Variants in TNNI3K observed in about 807,000 individuals in gnomAD.
TNNI3K encodes serine/threonine-protein kinase TNNI3K.
TNNI3K carries 140 observed loss-of-function variants against 114.5 expected under a neutral mutation model. The observed-to-expected ratio is 1.22, with a 90% CI of 1.07 to 1.41. TNNI3K has a LOEUF of 1.41. Among genes scored for constraint, TNNI3K ranks in the 40% most tolerant of loss-of-function variants. The probability of loss-of-function intolerance (pLI) is 0.00; values close to 1 mark genes in which losing one functional copy is unlikely to be tolerated. For synonymous variants in TNNI3K, 347 were observed against 347.5 expected, an observed-to-expected ratio of 1.00 and a Z score of 0.02; for missense variants, 1,125 against 1,007.6, an observed-to-expected ratio of 1.12 and a Z score of -1.58.
intron 23 of TNNI3K, among the ~76,000 whole-genome samples, chr1:74,509,139 C>T (rs1367473002): frequency 5.3e-5 from 8 of 152,158 alleles, no homozygotes; most frequent in Non-Finnish European, 1.2e-4. Flanking sequence ...CCTTTTTCCT[C>T]ATTAAATAGC....
At chr1:74,261,280 A>G (rs1182813245) in intron 4 of TNNI3K, among the ~76,000 whole-genome samples, 1 of 152,044 alleles carries the variant, frequency 6.6e-6, no homozygotes, top group African/African-American at 2.4e-5. Flanking sequence ...GCTAAGAAAA[A>G]AAAAAGAGTG....
chr1:74,486,670 A>AATT (rs1668785237), intron 21 of TNNI3K, among the ~76,000 whole-genome samples: 2 of 151,994 alleles, frequency 1.3e-5, no homozygotes, highest in African/African-American at 4.8e-5. Context: ...CATAAGACTG[A>AATT]ATTAACTCCT....
intron 20 of TNNI3K, among the ~76,000 whole-genome samples, chr1:74,441,318 T>C (rs1022915): frequency 0.69 from 104,154 of 152,030 alleles, 39,187 homozygotes; most frequent in Middle Eastern, 0.86. Flanking sequence ...TATACCAATG[T>C]CATATAAATG....
At chr1:74,407,941 A>G (rs1046090141) in intron 17 of TNNI3K, among the ~76,000 whole-genome samples, 6 of 152,148 alleles carry the variant, frequency 3.9e-5, no homozygotes, top group African/African-American at 1.4e-4. Context: ...TTTCCTTTCA[A>G]AGTTCCATAA....
chr1:74,537,611 T>C (rs1384465734), intron 23 of TNNI3K, among the ~76,000 whole-genome samples: 1 of 152,158 alleles, frequency 6.6e-6, no homozygotes, highest in Non-Finnish European at 1.5e-5. Context: ...ATTTGCAGAG[T>C]ACTGGCTAAC....
At chr1:74,253,476 A>G (rs1401532563) in intron 4 of TNNI3K, among the ~76,000 whole-genome samples, 1 of 152,024 alleles carries the variant, frequency 6.6e-6, no homozygotes, top group Non-Finnish European at 1.5e-5. Context: ...GCAGGTCCTG[A>G]GCCCTGCCGC....
At chr1:74,505,134 A>G (rs1669828857) in intron 23 of TNNI3K, among the ~76,000 whole-genome samples, 1 of 152,202 alleles carries the variant, frequency 6.6e-6, no homozygotes, top group Non-Finnish European at 1.5e-5. Flanking sequence ...TAAGCACATC[A>G]AAGCACACAG....
At chr1:74,297,188 C>T (rs1658040239) in intron 5 of TNNI3K, among the ~76,000 whole-genome samples, 2 of 152,072 alleles carry the variant, frequency 1.3e-5, no homozygotes. Flanking sequence ...CAACACCATA[C>T]AGTAGAAGTT....
chr1:74,399,726 C>T (rs1664267869), intron 17 of TNNI3K, among the ~76,000 whole-genome samples: 1 of 152,156 alleles, frequency 6.6e-6, no homozygotes, highest in Non-Finnish European at 1.5e-5. Flanking sequence ...AAGCTATGGG[C>T]AGGCTCTGTT....
At position 74,394,780 on chromosome 1, in the gene TNNI3K, C is replaced by T. The variant is rs149405932; in HGVS notation, c.1772+24388C>T. On this transcript the variant is annotated intron_variant, in intron 17 of 24. Transcript: ENST00000326637. ...AACACTTAGGCCGGGCGCAGTGGCTCACGCCTGTAATCCCAGCACTTTGGG... is the reference window on the plus strand; with the variant it reads ...AACACTTAGGCCGGGCGCAGTGGCTTACGCCTGTAATCCCAGCACTTTGGG... Among the ~76,000 whole-genome samples the T allele has an allele frequency of 3.3e-3, 499 of 152,328 alleles. 2 individuals are homozygous for T. The highest frequency in any genetic ancestry group is 0.011 in the African/African-American group (469 of 41,574).
chr1:74,366,348 T>C (rs11803631), intron 11 of TNNI3K, among the ~76,000 whole-genome samples: 272 of 152,220 alleles, frequency 1.8e-3, no homozygotes, highest in African/African-American at 5.9e-3. Context: ...TTTAATTTTA[T>C]TGAAAAACAT....
intron 21 of TNNI3K, chr1:74,471,741 T>G: frequency 2.5e-6 from 1 of 403,250 alleles, no homozygotes; most frequent in East Asian, 3.6e-5. Flanking sequence ...TCTTGGTTTT[T>G]GTTGATAATC....
At chr1:74,484,600 A>G (rs1668659841) in intron 21 of TNNI3K, among the ~76,000 whole-genome samples, 1 of 152,166 alleles carries the variant, frequency 6.6e-6, no homozygotes, top group South Asian at 2.1e-4. Flanking sequence ...TTTGAACAAT[A>G]AGCTGGAGAA....
intron 17 of TNNI3K, chr1:74,375,163 A>G (rs1188673628): frequency 6.4e-6 from 1 of 156,742 alleles, no homozygotes; most frequent in Non-Finnish European, 1.4e-5. Context: ...TATTACTCTT[A>G]ATTCCTCATT....
At chr1:74,298,755 G>A (rs1182759687) in intron 5 of TNNI3K, among the ~76,000 whole-genome samples, 1 of 151,924 alleles carries the variant, frequency 6.6e-6, no homozygotes, top group East Asian at 1.9e-4. Flanking sequence ...AATATTGTGA[G>A]GATAAGAGAC....
At chr1:74,479,212 T>G (rs1668355620) in intron 21 of TNNI3K, among the ~76,000 whole-genome samples, 1 of 152,142 alleles carries the variant, frequency 6.6e-6, no homozygotes, top group Non-Finnish European at 1.5e-5. Flanking sequence ...GATTTCACCA[T>G]GCACTGAGAG....
intron 2 of TNNI3K, among the ~76,000 whole-genome samples, chr1:74,249,104 T>C (rs1654769065): frequency 6.6e-6 from 1 of 151,962 alleles, no homozygotes; most frequent in East Asian, 1.9e-4. Flanking sequence ...AAGTATTCCC[T>C]ACTAACAGTG....
intron 21 of TNNI3K, chr1:74,480,793 C>T (rs2100256110): frequency 1.4e-6 from 1 of 717,536 alleles, no homozygotes; most frequent in East Asian, 2.7e-5. Flanking sequence ...GGTTGTGCTC[C>T]AGCAACAAGG....
At chr1:74,495,519 C>G (rs557654373) in intron 23 of TNNI3K, among the ~76,000 whole-genome samples, 1 of 152,164 alleles carries the variant, frequency 6.6e-6, no homozygotes, top group Admixed American at 6.5e-5. Context: ...TGAGCCTTAA[C>G]TATTTTCTCT....
Sources: gnomAD v4.1 joint callset for allele counts (sites outside exome capture counted in the v4.1 genomes callset) on GRCh38, gnomAD v4.1.1 for gene constraint, MANE v1.5 for transcripts, NCBI Gene and HGNC (gene_info 2026-07-23, HGNC 2026-07-21) for gene names.